The following CSMD1 variants were observed in gnomAD, a reference collection of about 807,000 sequenced individuals.
The protein encoded by CSMD1 is CUB and sushi domain-containing protein 1.
In CSMD1, 213 loss-of-function variants were observed where a neutral mutation model predicts 417.5. The ratio of observed to expected loss-of-function variants is 0.51; its 90% CI spans 0.46 to 0.57. CSMD1 has a LOEUF of 0.57. Ranked by LOEUF, CSMD1 falls within the 20% of genes least tolerant of loss-of-function variation. The pLI is 0.00. For missense variants in CSMD1, 6,923 were observed against 4,529.7 expected (o/e 1.53, Z -15.17); for synonymous variants, 2,862 against 1,736.8 (o/e 1.65, Z -16.11).
At chr8:4,091,369 A>G (rs1800711984) in intron 3 of CSMD1, among the ~76,000 whole-genome samples, 1 of 152,252 alleles carries the variant, frequency 6.6e-6, no homozygotes, top group Admixed American at 6.5e-5. Flanking sequence ...TCCATGGAAG[A>G]AAATAAATAT....
intron 1 of CSMD1, among the ~76,000 whole-genome samples, chr8:4,701,968 T>G (rs1424254317): frequency 6.6e-6 from 1 of 152,164 alleles, no homozygotes; most frequent in Admixed American, 6.5e-5. Flanking sequence ...GGGGCATGGA[T>G]GGAGCTGGAA....
intron 2 of CSMD1, 77 bp from the exon 3 acceptor site, chr8:4,420,142 GA>G: frequency 1.0e-6 from 1 of 960,466 alleles, no homozygotes; most frequent in Non-Finnish European, 1.6e-6. Flanking sequence ...TGAAGTCACT[GA>G]ATAACTTGAA....
chr8:4,755,983 G>A (rs1381431927), intron 1 of CSMD1, among the ~76,000 whole-genome samples: 1 of 152,138 alleles, frequency 6.6e-6, no homozygotes, highest in Non-Finnish European at 1.5e-5. Context: ...ACTATATGAT[G>A]AATTATTTAG....
chr8:4,808,923 G>C (rs972087654), intron 1 of CSMD1, among the ~76,000 whole-genome samples: 3 of 152,138 alleles, frequency 2.0e-5, no homozygotes, highest in Non-Finnish European at 2.9e-5. Flanking sequence ...GGATTATTTG[G>C]GGTCAGAGAT....
At chr8:3,596,691 A>C (rs1213474075) in intron 8 of CSMD1, among the ~76,000 whole-genome samples, 4 of 152,106 alleles carry the variant, frequency 2.6e-5, no homozygotes, top group African/African-American at 9.7e-5. Flanking sequence ...CAACCACAGT[A>C]TCCAGGCTTA....
chr8:3,932,465 A>C (rs1200271810), intron 5 of CSMD1, among the ~76,000 whole-genome samples: 5 of 150,480 alleles, frequency 3.3e-5, no homozygotes, highest in Non-Finnish European at 5.9e-5. Flanking sequence ...CGGTAATAAG[A>C]CCTTGATATG....
chr8:4,099,452 C>G (rs1248495988), intron 3 of CSMD1, among the ~76,000 whole-genome samples: 3 of 152,108 alleles, frequency 2.0e-5, no homozygotes, highest in Non-Finnish European at 2.9e-5. Flanking sequence ...TACACCATTC[C>G]TAAGCCTCCA....
At chr8:4,102,261 A>G (rs897876241) in intron 3 of CSMD1, among the ~76,000 whole-genome samples, 9 of 152,138 alleles carry the variant, frequency 5.9e-5, no homozygotes, top group African/African-American at 1.2e-4. Context: ...TAGATATGCT[A>G]TACTTTACAC....
intron 3 of CSMD1, among the ~76,000 whole-genome samples, chr8:4,282,718 G>A (rs182121402): frequency 1.1e-3 from 171 of 152,102 alleles, no homozygotes; most frequent in Non-Finnish European, 1.2e-3. Context: ...ATTTATAATC[G>A]GAACAATTTT....
intron 2 of CSMD1, among the ~76,000 whole-genome samples, chr8:4,632,352 A>T (rs985334628): frequency 6.6e-6 from 1 of 151,272 alleles, no homozygotes; most frequent in Non-Finnish European, 1.5e-5. Context: ...GTCTCTACTA[A>T]AAATAAAAAA....
intron 7 of CSMD1, among the ~76,000 whole-genome samples, chr8:3,651,544 G>C (rs62474662): frequency 0.32 from 49,347 of 151,922 alleles, 8,256 homozygotes; most frequent in South Asian, 0.44. Flanking sequence ...CAATGTCATG[G>C]TATTAATGAG....
At chr8:4,715,268 A>C (rs1310300111) in intron 1 of CSMD1, among the ~76,000 whole-genome samples, 1 of 152,238 alleles carries the variant, frequency 6.6e-6, no homozygotes, top group Non-Finnish European at 1.5e-5. Context: ...GGCTCTGACA[A>C]AATTATTAAG....
At chr8:4,566,866 A>C (rs1485524807) in intron 2 of CSMD1, among the ~76,000 whole-genome samples, 1 of 91,128 alleles carries the variant, frequency 1.1e-5, no homozygotes, top group African/African-American at 3.7e-5. Flanking sequence ...TTTCTTTAAA[A>C]AATATTGACT....
intron 10 of CSMD1, among the ~76,000 whole-genome samples, chr8:3,496,485 A>G (rs1360957836): frequency 6.6e-6 from 1 of 152,098 alleles, no homozygotes; most frequent in Non-Finnish European, 1.5e-5. Flanking sequence ...TACTTTTTTG[A>G]TATAGGTGTT....
At chr8:4,925,869 T>C (rs1029491638) in intron 1 of CSMD1, among the ~76,000 whole-genome samples, 3 of 152,132 alleles carry the variant, frequency 2.0e-5, no homozygotes, top group Non-Finnish European at 4.4e-5. Flanking sequence ...TTTGTAATTG[T>C]GAAATGGCAT....
intron 10 of CSMD1, among the ~76,000 whole-genome samples, chr8:3,527,464 G>T (rs1381645339): frequency 3.9e-5 from 6 of 152,202 alleles, no homozygotes; most frequent in African/African-American, 2.4e-5. Context: ...GTGGGCGAGG[G>T]TGGGATGTCA....
intron 25 of CSMD1, among the ~76,000 whole-genome samples, chr8:3,304,408 A>G (rs950038538): frequency 6.6e-6 from 1 of 152,136 alleles, no homozygotes; most frequent in African/African-American, 2.4e-5. Context: ...CAATTTTAGT[A>G]TATTATGTAC....
chr8:4,924,424 A>G (rs975050301), intron 1 of CSMD1, among the ~76,000 whole-genome samples: 4 of 152,218 alleles, frequency 2.6e-5, no homozygotes, highest in Admixed American at 6.5e-5. Context: ...AATAGTAAAC[A>G]TAAGTATAAA....
At chr8:3,215,862 G>C (rs994883178) in intron 29 of CSMD1, among the ~76,000 whole-genome samples, 67 of 151,828 alleles carry the variant, frequency 4.4e-4, no homozygotes, top group African/African-American at 1.4e-3. Flanking sequence ...CTGATTAACT[G>C]TATTTATTCA....
Sources: allele counts gnomAD v4.1 joint callset (sites outside exome capture counted in the v4.1 genomes callset), GRCh38; gene constraint gnomAD v4.1.1; transcripts MANE v1.5; gene names NCBI Gene and HGNC (gene_info 2026-07-23, HGNC 2026-07-21).